Variants in SPAG16 observed in about 807,000 individuals in gnomAD.
The protein encoded by SPAG16 is sperm-associated antigen 16 protein.
In SPAG16, 86 loss-of-function variants were observed where a neutral mutation model predicts 80.4. The ratio of observed to expected loss-of-function variants is 1.07; its 90% confidence interval spans 0.90 to 1.28. The LOEUF is 1.28. SPAG16 is among the 50% of genes most tolerant of loss of function. The pLI is 0.00. For synonymous variants in SPAG16, 294 were observed against 265.9 expected (o/e 1.11, Z -1.03); for missense variants, 870 against 765.3 (o/e 1.14, Z -1.61).
At chr2:214,336,790 C>A (rs1697318600) in intron 15 of SPAG16, among the ~76,000 whole-genome samples, 2 of 150,708 alleles carry the variant, frequency 1.3e-5, no homozygotes, top group African/African-American at 2.4e-5. Flanking sequence ...TTGTTGTAAG[C>A]TTTTACTTAA....
intron 12 of SPAG16, among the ~76,000 whole-genome samples, chr2:213,950,360 C>T (rs1424588488): frequency 6.6e-6 from 1 of 152,168 alleles, no homozygotes; most frequent in Non-Finnish European, 1.5e-5. Context: ...CACATAGTTA[C>T]AGACATTTTG....
intron 12 of SPAG16, among the ~76,000 whole-genome samples, chr2:214,003,229 C>A (rs1223189587): frequency 6.6e-6 from 1 of 152,186 alleles, no homozygotes; most frequent in African/African-American, 2.4e-5. Flanking sequence ...ATGGACTTAT[C>A]TGACACTGTG....
At chr2:213,827,581 T>C (rs1287392993) in intron 10 of SPAG16, among the ~76,000 whole-genome samples, 2 of 152,162 alleles carry the variant, frequency 1.3e-5, no homozygotes, top group Non-Finnish European at 2.9e-5. Context: ...TGTGATAATA[T>C]TCTGTGTTTT....
At chr2:213,292,917 C>T (rs985715864) in intron 1 of SPAG16, among the ~76,000 whole-genome samples, 5 of 152,054 alleles carry the variant, frequency 3.3e-5, no homozygotes, top group South Asian at 2.1e-4. Flanking sequence ...CATATATTGA[C>T]TCTTAACATT....
intron 15 of SPAG16, among the ~76,000 whole-genome samples, chr2:214,179,272 A>G (rs2057233050): frequency 6.6e-6 from 1 of 151,274 alleles, no homozygotes; most frequent in Non-Finnish European, 1.5e-5. Context: ...GTTTTATGCT[A>G]TCAGTTGGTA....
At chr2:213,398,938 G>C (rs2068180737) in intron 9 of SPAG16, among the ~76,000 whole-genome samples, 1 of 152,146 alleles carries the variant, frequency 6.6e-6, no homozygotes, top group Non-Finnish European at 1.5e-5. Flanking sequence ...TGTTTTGTTA[G>C]TTGCTATTGT....
chr2:213,905,592 G>A (rs1437025297), intron 11 of SPAG16, among the ~76,000 whole-genome samples: 3 of 152,218 alleles, frequency 2.0e-5, no homozygotes, highest in African/African-American at 7.2e-5. Context: ...GTGCAAAGCA[G>A]CATGCTAGGC....
At chr2:214,401,702 C>T (rs1173367357) in intron 15 of SPAG16, among the ~76,000 whole-genome samples, 1 of 151,784 alleles carries the variant, frequency 6.6e-6, no homozygotes, top group African/African-American at 2.4e-5. Context: ...AGCTCCATTC[C>T]TGCAGACACA....
intron 15 of SPAG16, among the ~76,000 whole-genome samples, chr2:214,274,625 C>G (rs1479975946): frequency 6.6e-6 from 1 of 152,158 alleles, no homozygotes; most frequent in Non-Finnish European, 1.5e-5. Context: ...GTTGAACCAG[C>G]CTTGCATCCC....
At chr2:214,284,556 C>T (rs1304070784) in intron 15 of SPAG16, among the ~76,000 whole-genome samples, 2 of 152,198 alleles carry the variant, frequency 1.3e-5, no homozygotes, top group Admixed American at 6.5e-5. Context: ...CAGGAGCACT[C>T]TGCTCCTTTT....
chr2:213,797,332 C>G (rs1472938226), intron 10 of SPAG16, among the ~76,000 whole-genome samples: 1 of 152,144 alleles, frequency 6.6e-6, no homozygotes, highest in Non-Finnish European at 1.5e-5. Flanking sequence ...CACATTCACT[C>G]ACCACTGACT....
intron 15 of SPAG16, among the ~76,000 whole-genome samples, chr2:214,274,928 A>T (rs1162900996): frequency 1.3e-5 from 2 of 151,906 alleles, no homozygotes; most frequent in Non-Finnish European, 2.9e-5. Flanking sequence ...TCTGGTCCTA[A>T]ACTTTTTTTG....
Position 214,014,025 on chromosome 2 carries a change from C to T in SPAG16, c.1475C>T (p.Thr492Ile). 3 of 1,613,592 alleles carry T rather than the reference C, an allele frequency of 1.9e-6. No individual in the cohort carries two copies. Among genetic ancestry groups the T allele is most frequent in the African/African-American group, 1.3e-5 (1 of 75,028 alleles). Residue 492 changes from threonine to isoleucine, a missense_variant, in exon 13 of 16, where the codon ACT becomes ATT. By Grantham distance (89) the Thr-to-Ile change is moderately conservative. Transcript: ENST00000331683. ...NSIEFFPFSN[T>I]LLTSSADKTL... ...ATTGAGTTTTTTCCTTTCTCCAATA[C>T]TCTTCTCACAAGCTCTGCAGACAAG... is the stretch of plus-strand genomic sequence containing the variant.
intron 12 of SPAG16, among the ~76,000 whole-genome samples, chr2:213,933,691 C>T (rs1300500574): frequency 6.6e-6 from 1 of 152,210 alleles, no homozygotes. Flanking sequence ...AATTCAACAG[C>T]TTCTTGACCC....
At chr2:213,785,743 G>A (rs1306853234) in intron 10 of SPAG16, among the ~76,000 whole-genome samples, 1 of 152,032 alleles carries the variant, frequency 6.6e-6, no homozygotes, top group East Asian at 1.9e-4. Flanking sequence ...TTAGCCAGGC[G>A]CAGTGGCTCA....
At chr2:213,491,426 C>T in intron 10 of SPAG16, among the ~76,000 whole-genome samples, 1 of 152,182 alleles carries the variant, frequency 6.6e-6, no homozygotes, top group East Asian at 1.9e-4. Context: ...TTTTCATTGA[C>T]AGTAATTCTG....
At chr2:213,477,029 GGCTTA>G (rs1472304355) in intron 9 of SPAG16, among the ~76,000 whole-genome samples, 1 of 152,110 alleles carries the variant, frequency 6.6e-6, no homozygotes, top group Non-Finnish European at 1.5e-5. Flanking sequence ...GGTTTTTATG[GGCTTA>G]GAATGGGGGA....
chr2:213,347,638 T>C (rs2065073610), intron 6 of SPAG16, among the ~76,000 whole-genome samples: 1 of 152,224 alleles, frequency 6.6e-6, no homozygotes, highest in South Asian at 2.1e-4. Flanking sequence ...TTCATTTCGT[T>C]ATGTACCCAG....
intron 9 of SPAG16, among the ~76,000 whole-genome samples, chr2:213,428,580 G>A (rs1253620344): frequency 2.6e-5 from 4 of 152,164 alleles, no homozygotes; most frequent in Admixed American, 2.6e-4. Context: ...AGAGATGAGT[G>A]TGGCATTTGC....
Sources: gnomAD v4.1 joint callset for allele counts (sites outside exome capture counted in the v4.1 genomes callset) on GRCh38, gnomAD v4.1.1 for gene constraint, MANE v1.5 for transcripts, NCBI Gene and HGNC (gene_info 2026-07-23, HGNC 2026-07-21) for gene names.